KIAA0232: variants seen among roughly 807,000 people sequenced by gnomAD.
KIAA0232 encodes uncharacterized protein KIAA0232.
Under a neutral mutation model 122.0 loss-of-function variants are expected in KIAA0232, and 27 were observed. The observed-to-expected ratio is 0.22, with a 90% CI of 0.16 to 0.31. KIAA0232 has a LOEUF of 0.31. Ranked by LOEUF, KIAA0232 falls within the 10% of genes least tolerant of loss-of-function variation. KIAA0232 has a pLI of 1.00. For missense variants in KIAA0232, 1,551 were observed against 1,634.2 expected, an observed-to-expected ratio of 0.95 and a Z score of 0.88; for synonymous variants, 613 against 587.6, an observed-to-expected ratio of 1.04 and a Z score of -0.63.
intron 9 of KIAA0232, among the ~76,000 whole-genome samples, chr4:6,878,623 C>T (rs1012440757): frequency 2.6e-5 from 4 of 152,148 alleles, no homozygotes; most frequent in African/African-American, 4.8e-5. Context: ...ATTCTGTATT[C>T]CCTTTGCCTT....
At chr4:6,830,499 C>T (rs1192694031) in intron 3 of KIAA0232, among the ~76,000 whole-genome samples, 2 of 148,944 alleles carry the variant, frequency 1.3e-5, no homozygotes, top group Non-Finnish European at 3.0e-5. Context: ...CCTCTGCCTC[C>T]TGGGTTCAAG....
Position 6,847,447 on chromosome 4 carries a change from A to G in KIAA0232, c.369+5243A>G, listed in dbSNP as rs146633251. On this transcript the variant is annotated intron_variant, in intron 4 of 9. Coordinates refer to ENST00000307659, the MANE Select transcript of KIAA0232 (RefSeq NM_014743.3). ...GAGACATTGCCAAAACAGAAGGGCAATTCAGTTGTGTCAGAATTTAATTTT... is the reference window on the plus strand; with the variant it reads ...GAGACATTGCCAAAACAGAAGGGCAGTTCAGTTGTGTCAGAATTTAATTTT... Among the ~76,000 whole-genome samples the G allele has an allele frequency of 1.4e-4, 22 of 152,344 alleles. No individual in the cohort carries two copies. The East Asian group carries it at 2.9e-3, about 20-fold the overall frequency.
At chr4:6,822,858 A>G (rs1456946618) in intron 2 of KIAA0232, among the ~76,000 whole-genome samples, 2 of 150,094 alleles carry the variant, frequency 1.3e-5, no homozygotes, top group Admixed American at 1.3e-4. Context: ...TACATGTGCC[A>G]TGCTGGTGCG....
chr4:6,790,142 A>G (rs1716826485), intron 1 of KIAA0232, among the ~76,000 whole-genome samples: 1 of 152,220 alleles, frequency 6.6e-6, no homozygotes. Context: ...AATATACATT[A>G]AGCAGTAGAA....
At chr4:6,838,296 C>G (rs1438624891) in intron 3 of KIAA0232, among the ~76,000 whole-genome samples, 1 of 151,436 alleles carries the variant, frequency 6.6e-6, no homozygotes, top group Non-Finnish European at 1.5e-5. Context: ...TCAAGCAATT[C>G]TCCCACCTCA....
intron 4 of KIAA0232, among the ~76,000 whole-genome samples, chr4:6,847,069 T>C (rs962900914): frequency 1.3e-5 from 2 of 152,126 alleles, no homozygotes; most frequent in Non-Finnish European, 2.9e-5. Context: ...AAGACAATAA[T>C]ATAGGTTATA....
intron 2 of KIAA0232, among the ~76,000 whole-genome samples, chr4:6,812,715 G>A (rs1162330708): frequency 6.6e-6 from 1 of 152,102 alleles, no homozygotes; most frequent in Non-Finnish European, 1.5e-5. Context: ...GAATATATCG[G>A]TTGAATAGAG....
chr4:6,835,216 G>A (rs1719198572), intron 3 of KIAA0232, among the ~76,000 whole-genome samples: 4 of 152,166 alleles, frequency 2.6e-5, no homozygotes, highest in Admixed American at 2.6e-4. Context: ...GTCCCTCAAA[G>A]CGAGTAGCCC....
At chr4:6,840,091 G>T (rs1719563314) in intron 3 of KIAA0232, among the ~76,000 whole-genome samples, 1 of 152,170 alleles carries the variant, frequency 6.6e-6, no homozygotes. Flanking sequence ...AGTTGGGCTG[G>T]CCCCTGTTAG....
chr4:6,797,876 G>A (rs914177324), intron 1 of KIAA0232, among the ~76,000 whole-genome samples: 3 of 151,736 alleles, frequency 2.0e-5, no homozygotes, highest in Non-Finnish European at 4.4e-5. Context: ...TCGAGACCAC[G>A]GTGAAACCCC....
Position 6,787,613 on chromosome 4 carries a change from G to A in KIAA0232, c.-354+4772G>A, listed in dbSNP as rs116613850. Reference sequence around the variant, plus strand: ...ATTTTTACCAGGTTTGCCTCCATGAGTCTTTTCCATCAGTCTTTTTCTTTA... The same window carrying A: ...ATTTTTACCAGGTTTGCCTCCATGAATCTTTTCCATCAGTCTTTTTCTTTA... On this transcript the variant is annotated intron_variant, in intron 1 of 9. Transcript: ENST00000307659. Among the ~76,000 whole-genome samples, 910 of 152,272 alleles carry A rather than the reference G, an allele frequency of 6.0e-3. 6 individuals carry two copies. Among genetic ancestry groups the A allele is most frequent in the African/African-American group, 0.02 (852 of 41,566 alleles).
intron 1 of KIAA0232, among the ~76,000 whole-genome samples, chr4:6,783,360 T>A (rs1716446719): frequency 6.6e-6 from 1 of 152,206 alleles, no homozygotes; most frequent in Non-Finnish European, 1.5e-5. Flanking sequence ...TGCCGTTGGC[T>A]GCCTCCTGCC....
chr4:6,822,093 G>A (rs762871050), intron 2 of KIAA0232, among the ~76,000 whole-genome samples: 25 of 151,822 alleles, frequency 1.6e-4, no homozygotes, highest in Non-Finnish European at 3.1e-4. Flanking sequence ...TTTCTTGCAC[G>A]TCTCCAGAAT....
At position 6,788,178 on chromosome 4, in the gene KIAA0232, A is replaced by T. The variant is rs989404247; in HGVS notation, c.-354+5337A>T. ...CCTGAGTAGCTGGGACTACAGGCAC[A>T]TAACGCCTGGCTAATTTTTTGTAGA... On this transcript the variant is annotated intron_variant, in intron 1 of 9. Coordinates refer to ENST00000307659, the MANE Select transcript of KIAA0232 (RefSeq NM_014743.3). Among the ~76,000 whole-genome samples the T allele has an allele frequency of 1.9e-4, 29 of 152,158 alleles. 1 individual carries two copies. Among genetic ancestry groups the T allele is most frequent in the Admixed American group, 1.0e-3 (16 of 15,272 alleles).
chr4:6,786,987 C>G (rs1716652203), intron 1 of KIAA0232, among the ~76,000 whole-genome samples: 1 of 151,928 alleles, frequency 6.6e-6, no homozygotes, highest in South Asian at 2.1e-4. Flanking sequence ...GTGAGACCAT[C>G]CTGGCCAACA....
At chr4:6,806,738 A>G (rs1407356140) in intron 2 of KIAA0232, among the ~76,000 whole-genome samples, 27 of 7,446 alleles carry the variant, frequency 3.6e-3, no homozygotes, top group African/African-American at 0.023. Flanking sequence ...ACTCCCTCTC[A>G]AAAAAAAAAA....
At chr4:6,791,848 A>G (rs181859115) in intron 1 of KIAA0232, among the ~76,000 whole-genome samples, 12 of 152,312 alleles carry the variant, frequency 7.9e-5, no homozygotes, top group South Asian at 4.1e-4. Flanking sequence ...TCCCCACCCA[A>G]ATCTCATCTT....
intron 1 of KIAA0232, among the ~76,000 whole-genome samples, chr4:6,796,165 A>G (rs530585234): frequency 2.0e-5 from 3 of 152,270 alleles, no homozygotes; most frequent in Admixed American, 6.5e-5. Flanking sequence ...TAATATGTGG[A>G]ATTGGTTATT....
intron 2 of KIAA0232, among the ~76,000 whole-genome samples, chr4:6,818,494 C>CAT (rs1041948632): frequency 2.0e-5 from 3 of 151,146 alleles, no homozygotes; most frequent in Admixed American, 2.0e-4. Flanking sequence ...TAGACACACA[C>CAT]ACACACACAC....
Sources: gnomAD v4.1 joint callset for allele counts (sites outside exome capture counted in the v4.1 genomes callset) on GRCh38, gnomAD v4.1.1 for gene constraint, MANE v1.5 for transcripts, NCBI Gene and HGNC (gene_info 2026-07-23, HGNC 2026-07-21) for gene names.